CEP112: variants seen among roughly 807,000 people sequenced by gnomAD.
CEP112 encodes the protein centrosomal protein 112.
A neutral mutation model predicts 153.0 loss-of-function variants in CEP112; 127 were observed. The ratio of observed to expected loss-of-function variants is 0.83; its 90% confidence interval spans 0.72 to 0.96. The LOEUF (loss-of-function observed/expected upper bound fraction) is 0.96. CEP112 is among the 40% of genes least tolerant of loss of function. CEP112 has a pLI of 0.00. For missense variants in CEP112, 1,089 were observed against 1,101.2 expected (o/e 0.99, Z 0.16); for synonymous variants, 358 against 374.4 (o/e 0.96, Z 0.51).
intron 4 of CEP112, 46 bp downstream of exon 4, chr17:66,174,998 A>G (rs1568578331): frequency 3.8e-6 from 5 of 1,333,172 alleles, no homozygotes; most frequent in Non-Finnish European, 5.0e-6. Flanking sequence ...TTCCAAAGAC[A>G]GACTAAATGA....
chr17:66,145,821 G>A (rs2070894174), intron 4 of CEP112, among the ~76,000 whole-genome samples: 1 of 151,910 alleles, frequency 6.6e-6, no homozygotes, highest in South Asian at 2.1e-4. Flanking sequence ...ATCAGGCTGA[G>A]GAAGTTCCCT....
At chr17:66,024,720 C>T (rs1213955599) in intron 16 of CEP112, among the ~76,000 whole-genome samples, 5 of 152,114 alleles carry the variant, frequency 3.3e-5, no homozygotes, top group African/African-American at 1.2e-4. Context: ...GACCATACTG[C>T]ACAAAGCAAT....
At chr17:66,178,702 A>T (rs1426290267) in intron 2 of CEP112, among the ~76,000 whole-genome samples, 2 of 152,004 alleles carry the variant, frequency 1.3e-5, no homozygotes, top group African/African-American at 4.8e-5. Flanking sequence ...CTTAGATTTC[A>T]GTCTTTAATC....
chr17:65,647,220 C>G (rs1275922175), intron 24 of CEP112, among the ~76,000 whole-genome samples: 1 of 139,712 alleles, frequency 7.2e-6, no homozygotes, highest in African/African-American at 2.7e-5. Flanking sequence ...GTTGCCCAGG[C>G]TGGAGTGCAA....
chr17:65,759,157 CAGGAAGT>C (rs2052459781), intron 21 of CEP112, among the ~76,000 whole-genome samples: 1 of 152,116 alleles, frequency 6.6e-6, no homozygotes, highest in South Asian at 2.1e-4. Context: ...AAGGCAATGC[CAGGAAGT>C]TACCCTATAT....
intron 4 of CEP112, 103 bp from the exon 5 acceptor site, chr17:66,132,866 G>A (rs2070255559): frequency 2.5e-6 from 2 of 811,518 alleles, no homozygotes; most frequent in Non-Finnish European, 4.2e-6. Flanking sequence ...TGAGATGATA[G>A]TTTGTATTAA....
chr17:65,845,661 T>C (rs2057701636), intron 21 of CEP112, among the ~76,000 whole-genome samples: 3 of 152,240 alleles, frequency 2.0e-5, no homozygotes, highest in Admixed American at 2.0e-4. Flanking sequence ...CCAATTTAGA[T>C]ACCAAAGTTT....
Position 65,919,448 on chromosome 17 carries a change from C to A in CEP112, c.1980+8134G>T, listed in dbSNP as rs116507044. ...TATCATCATAACACTGACAATTTTA[C>A]CTTTTAGAGAAAAGTAAAACAAAAT... is the stretch of plus-strand genomic sequence containing the variant. On this transcript the variant is annotated intron_variant, in intron 19 of 26. Transcript: ENST00000535342. Among the ~76,000 whole-genome samples the A allele has an allele frequency of 2.8e-3, 427 of 152,214 alleles. 1 individual carries two copies. The highest frequency in any genetic ancestry group is 9.9e-3 in the African/African-American group (409 of 41,508).
chr17:65,822,813 G>T (rs1020903624), intron 21 of CEP112, among the ~76,000 whole-genome samples: 4 of 152,024 alleles, frequency 2.6e-5, no homozygotes, highest in Non-Finnish European at 4.4e-5. Flanking sequence ...TAAGAAACAG[G>T]TATTCAGCTA....
At chr17:65,842,036 A>G (rs576295439) in intron 21 of CEP112, among the ~76,000 whole-genome samples, 227 of 152,128 alleles carry the variant, frequency 1.5e-3, no homozygotes, top group African/African-American at 5.3e-3. Flanking sequence ...TAACTTCCCA[A>G]GTCGAGTCAC....
chr17:65,750,051 T>C (rs1300070213), intron 22 of CEP112, among the ~76,000 whole-genome samples: 2 of 152,186 alleles, frequency 1.3e-5, no homozygotes, highest in African/African-American at 4.8e-5. Context: ...TAATAACTTA[T>C]GCTGAAAAAG....
chr17:66,109,086 C>G (rs941002039), intron 6 of CEP112, among the ~76,000 whole-genome samples: 2 of 151,664 alleles, frequency 1.3e-5, no homozygotes, highest in African/African-American at 4.8e-5. Context: ...CTCTGCAGAT[C>G]GACAGTAGGA....
chr17:66,119,021 GA>G (rs1288783595), intron 6 of CEP112, among the ~76,000 whole-genome samples: 1 of 152,064 alleles, frequency 6.6e-6, no homozygotes, highest in Non-Finnish European at 1.5e-5. Flanking sequence ...GCCATAAAAA[GA>G]AAAAAGATTA....
chr17:65,984,945 G>A (rs1173301356), intron 17 of CEP112, among the ~76,000 whole-genome samples: 1 of 152,152 alleles, frequency 6.6e-6, no homozygotes, highest in East Asian at 1.9e-4. Flanking sequence ...AAAATGTCCT[G>A]AGGAAGAAAG....
intron 12 of CEP112, among the ~76,000 whole-genome samples, chr17:66,044,118 T>C (rs2066100404): frequency 6.6e-6 from 1 of 152,154 alleles, no homozygotes; most frequent in South Asian, 2.1e-4. Context: ...AGAATGAAAG[T>C]TCTCTGACAG....
chr17:65,681,959 C>T (rs538677106), intron 24 of CEP112, among the ~76,000 whole-genome samples: 1 of 151,922 alleles, frequency 6.6e-6, no homozygotes, highest in Non-Finnish European at 1.5e-5. Flanking sequence ...GGATTACAGG[C>T]ATGAGTCACC....
chr17:66,039,314 C>T (rs1268444202), intron 12 of CEP112, among the ~76,000 whole-genome samples: 1 of 152,008 alleles, frequency 6.6e-6, no homozygotes, highest in African/African-American at 2.4e-5. Flanking sequence ...TAATTCGAAA[C>T]CTTGTAGGAG....
chr17:65,724,625 A>C (rs150891720), intron 23 of CEP112, among the ~76,000 whole-genome samples: 1 of 152,350 alleles, frequency 6.6e-6, no homozygotes, highest in East Asian at 1.9e-4. Flanking sequence ...ATGTTTACAC[A>C]CATGTACAAC....
intron 23 of CEP112, among the ~76,000 whole-genome samples, chr17:65,716,303 C>T (rs1349960538): frequency 6.6e-6 from 1 of 152,066 alleles, no homozygotes. Flanking sequence ...ATTACAGGTG[C>T]CCGCCACCAT....
Sources: gnomAD v4.1 joint callset for allele counts (sites outside exome capture counted in the v4.1 genomes callset) on GRCh38, gnomAD v4.1.1 for gene constraint, MANE v1.5 for transcripts, NCBI Gene and HGNC (gene_info 2026-07-23, HGNC 2026-07-21) for gene names.